TDRKH: variants seen among roughly 807,000 people sequenced by gnomAD.
TDRKH encodes the protein tudor and KH domain-containing protein.
TDRKH carries 28 observed loss-of-function variants against 61.3 expected under a neutral mutation model. That is an observed-to-expected ratio of 0.46 (90% CI 0.34 to 0.63). The LOEUF (loss-of-function observed/expected upper bound fraction) is 0.63. Ranked by LOEUF, TDRKH falls within the 20% of genes least tolerant of loss-of-function variation. The probability of loss-of-function intolerance (pLI) is 0.01; values close to 1 mark genes in which losing one functional copy is unlikely to be tolerated. For missense variants in TDRKH, 540 were observed against 683.4 expected, an observed-to-expected ratio of 0.79 and a Z score of 2.34; for synonymous variants, 219 against 244.4, an observed-to-expected ratio of 0.90 and a Z score of 0.97.
At chr1:151,772,748 C>T (rs186038955), downstream of TDRKH, among the ~76,000 whole-genome samples, 115 of 152,074 alleles carry the variant, frequency 7.6e-4, no homozygotes, top group African/African-American at 2.7e-3. Context: ...CTTAAAGATT[C>T]CTCCAAGACT....
At chr1:151,771,524 A>ATTAGT, downstream of TDRKH, 1 of 394,004 alleles carries the variant, frequency 2.5e-6, no homozygotes, top group Non-Finnish European at 4.3e-6. Context: ...CCATTTACTG[A>ATTAGT]GCACTAATCA....
downstream of TDRKH, chr1:151,771,352 G>T (rs75093131): frequency 8.1e-6 from 12 of 1,486,040 alleles, no homozygotes; most frequent in Admixed American, 7.5e-5. Flanking sequence ...CGGTTTCTTG[G>T]GGGGGTGGGT....
In TDRKH at chr1:151,774,495, G is replaced by A. The variant is rs1220736655; in HGVS notation, c.1643C>T (p.Ser548Phe). ...TTCAAGGTTATCATCACCAGACATG[G>A]AAGCAGCTTCTATTGAAGATAAATA... ...LSCLSLSEAA[S>F]MSGDDNLEDD... The change falls in exon 13 of 13, where the codon TCC (serine) becomes TTC (phenylalanine). Residue 548 changes from serine (S) to phenylalanine (F), a missense_variant. Physicochemically the swap from Ser to Phe is radical, Grantham distance 155. This residue lies in a region of TDRKH where 379 missense variants were observed against 443.8 expected (regional missense o/e 0.85). Coordinates refer to ENST00000368824, the MANE Select transcript of TDRKH (RefSeq NM_001083965.2). The A allele has an allele frequency of 1.2e-6, 2 of 1,614,166 alleles. No homozygotes were observed. The highest frequency in any genetic ancestry group is 1.3e-5 in the African/African-American group (1 of 75,046).
downstream of TDRKH, chr1:151,766,787 T>C: frequency 6.3e-7 from 1 of 1,583,380 alleles, no homozygotes; most frequent in Non-Finnish European, 8.6e-7. Context: ...GAAAAACACG[T>C]AACTACCTCT....
At chr1:151,785,980 T>C (rs540946747) in intron 1 of TDRKH, among the ~76,000 whole-genome samples, 2 of 152,328 alleles carry the variant, frequency 1.3e-5, no homozygotes, top group South Asian at 4.1e-4. Context: ...ACTTATGCCA[T>C]AATTTACCTC....
intron 3 of TDRKH, 125 bp from the exon 4 acceptor site, chr1:151,780,265 T>C: frequency 2.3e-5 from 7 of 309,086 alleles, no homozygotes; most frequent in Non-Finnish European, 3.9e-5. Flanking sequence ...TAATACTATC[T>C]ATACAACCAG....
downstream of TDRKH, chr1:151,768,156 T>C (rs1409908476): frequency 4.3e-6 from 7 of 1,613,992 alleles, no homozygotes; most frequent in Non-Finnish European, 5.9e-6. Flanking sequence ...CCTCTGCCCA[T>C]TGGCACGGCC....
At chr1:151,783,217 A>AT in intron 1 of TDRKH, 168 bp from the exon 2 acceptor site, 1 of 468,562 alleles carries the variant, frequency 2.1e-6, no homozygotes. Flanking sequence ...GGCTCAGGGT[A>AT]TTTTTTAAAA....
rs1283631902 is a variant in TDRKH at position 151,774,796 on chromosome 1, G to C, written c.1547C>G (p.Thr516Arg). The C allele has an allele frequency of 1.9e-6, 3 of 1,614,178 alleles. No homozygotes were observed. The South Asian group carries it at 3.3e-5, about 18-fold the overall frequency. ...GAGCAACGTGCTGAGAGAGGCATCT[G>C]TTTCTGTGGCCTGAGTGGATGAAAA... ...PDMLKDMATE[T>R]DASLSTLLTE... The change falls in exon 12 of 13, where the codon ACA (threonine) becomes AGA (arginine). Residue 516 changes from threonine to arginine, a missense_variant. Thr to Arg is a moderately conservative substitution (Grantham distance 71, BLOSUM62 -1). Around this residue, in one of 3 missense-constraint regions of TDRKH, gnomAD observed 379 missense variants for 443.8 expected, o/e 0.85. Transcript: ENST00000368824.
At chr1:151,767,996 A>G (rs1468059803), downstream of TDRKH, 13 of 1,593,940 alleles carry the variant, frequency 8.2e-6, no homozygotes, top group African/African-American at 1.3e-5. Context: ...TTCAACGGAC[A>G]CACCCCCATC....
In TDRKH at chr1:151,775,087, A is replaced by G. The variant is rs376931281; in HGVS notation, c.1514T>C (p.Val505Ala). Reference protein sequence around the residue: ...LPEDIEENRAVPDMLKDMATE... With the variant: ...LPEDIEENRAAPDMLKDMATE... Reference sequence around the variant, plus strand: ...CACCATGTCCTTCAACATGTCTGGGACAGCTCTGTTTTCTTCTATGTCTTC... The same window carrying G: ...CACCATGTCCTTCAACATGTCTGGGGCAGCTCTGTTTTCTTCTATGTCTTC... Residue 505 changes from valine to alanine, a missense_variant, in exon 11 of 13, where the codon GTC (valine) becomes GCC (alanine). By Grantham distance (64) the Val-to-Ala change is moderately conservative. Coordinates refer to ENST00000368824, the MANE Select transcript of TDRKH (RefSeq NM_001083965.2). 1.2e-6 allele frequency: 2 copies of G among 1,614,052 alleles called. No homozygotes were observed. Among genetic ancestry groups the G allele is most frequent in the Non-Finnish European group, 1.7e-6 (2 of 1,180,032 alleles).
rs770595186 is a variant in TDRKH at position 151,774,756 on chromosome 1, C to T, written c.1587G>A (p.Lys529=). 6.2e-6 allele frequency: 10 copies of T among 1,614,122 alleles called. No homozygotes were observed. In the South Asian group the frequency reaches 9.9e-5, roughly 16 times the overall value. The change falls in exon 12 of 13, where the codon AAG becomes AAA. Residue 529 remains lysine (K), a synonymous_variant. Coordinates refer to ENST00000368824, the MANE Select transcript of TDRKH (RefSeq NM_001083965.2). ...GGGTATGTGTTATCTCTCCAGAGCT[C>T]TTTTTGGTCTCAGTGAGCAACGTGC... The part of the protein sequence containing the change: ...SLSTLLTETK[K]SSGEITHTLS...
At chr1:151,769,023 T>C (rs1231291011), downstream of TDRKH, among the ~76,000 whole-genome samples, 1 of 152,150 alleles carries the variant, frequency 6.6e-6, no homozygotes, top group Non-Finnish European at 1.5e-5. Context: ...GAAGAATTTT[T>C]CTTAGTACAG....
At chr1:151,787,507 G>C (rs1421343716) in intron 1 of TDRKH, among the ~76,000 whole-genome samples, 4 of 152,112 alleles carry the variant, frequency 2.6e-5, no homozygotes, top group Non-Finnish European at 4.4e-5. Flanking sequence ...GTGAGCCACT[G>C]CGCCTGGCTT....
chr1:151,790,263 G>C (rs941193132), intron 1 of TDRKH, 117 bp downstream of exon 1: 3 of 152,182 alleles, frequency 2.0e-5, no homozygotes, highest in Non-Finnish European at 4.4e-5. Context: ...CCCCCGCTGC[G>C]CCCCACATCC....
Position 151,774,071 on chromosome 1 carries a change from A to G in TDRKH, c.*381T>C, listed in dbSNP as rs1021060223. 1.9e-5 allele frequency: 4 copies of G among 205,796 alleles called. No individual in the cohort carries two copies. Among genetic ancestry groups the G allele is most frequent in the African/African-American group, 9.5e-5 (4 of 42,268 alleles). The allele number at this position is 205,796 out of a possible 1,614,324, so 12.7% of individuals were successfully genotyped here. On this transcript the variant is annotated 3_prime_UTR_variant, in exon 13 of 13. Transcript: ENST00000368824. ...TCCGGAGGTGGAATGGGGGAGACAC[A>G]CTTGTAGCGTGGTAGTCCAATTTTT...
chr1:151,769,190 A>G (rs1349980937), downstream of TDRKH, among the ~76,000 whole-genome samples: 1 of 151,308 alleles, frequency 6.6e-6, no homozygotes, highest in African/African-American at 2.4e-5. Flanking sequence ...CACCTCCCAG[A>G]CGGTGTGGCG....
chr1:151,771,101 A>T (rs1170584929), downstream of TDRKH: 9 of 1,602,186 alleles, frequency 5.6e-6, no homozygotes, highest in South Asian at 1.0e-4. Context: ...GCCTTCAGCT[A>T]CATGGGCTTT....
downstream of TDRKH, among the ~76,000 whole-genome samples, chr1:151,768,414 G>C (rs143223694): frequency 3.1e-4 from 47 of 152,352 alleles, no homozygotes; most frequent in African/African-American, 1.1e-3. Flanking sequence ...TCCATGGGAA[G>C]CTGGACTCAG....
Sources: gnomAD v4.1 joint callset for allele counts (sites outside exome capture counted in the v4.1 genomes callset) on GRCh38, gnomAD v4.1.1 for gene constraint, gnomAD v4.1.1 regional missense constraint, MANE v1.5 for transcripts, NCBI Gene and HGNC (gene_info 2026-07-23, HGNC 2026-07-21) for gene names.